The following TBX1 variants were observed in gnomAD, a reference collection of about 807,000 sequenced individuals.
TBX1 encodes T-box transcription factor 1, also known as T-box transcription factor TBX1.
A neutral mutation model predicts 40.8 loss-of-function variants in TBX1; 16 were observed. That is an observed-to-expected ratio of 0.39 (90% CI 0.27 to 0.60). The LOEUF is 0.60. Ranked by LOEUF, TBX1 falls within the 20% of genes least tolerant of loss-of-function variation. The pLI, the probability that TBX1 is intolerant of heterozygous loss-of-function variation, is 0.51. For synonymous variants in TBX1, 403 were observed against 336.8 expected (o/e 1.20, Z -2.15); for missense variants, 755 against 728.5 (o/e 1.04, Z -0.42).
At chr22:19,780,775 T>TG (rs201648727), downstream of TBX1, among the ~76,000 whole-genome samples, 506 of 122,030 alleles carry the variant, frequency 4.1e-3, 12 homozygotes, top group African/African-American at 0.016. Flanking sequence ...ACTTGTTTTC[T>TG]GTTTTTTTTT....
downstream of TBX1, chr22:19,783,148 A>G: frequency 1.4e-6 from 1 of 710,180 alleles, no homozygotes. Flanking sequence ...CGTGGAGTAG[A>G]CAAACTGCTC....
At position 19,761,226 on chromosome 22, in the gene TBX1, T is replaced by C; in HGVS notation, c.383T>C (p.Leu128Pro). Reference sequence around the variant, plus strand: ...AGCGTGCAGCTAGAGATGAAGGCGCTGTGGGACGAGTTCAACCAGCTGGGC... The same window carrying C: ...AGCGTGCAGCTAGAGATGAAGGCGCCGTGGGACGAGTTCAACCAGCTGGGC... The part of the protein sequence containing the change: ...GVSVQLEMKA[L>P]WDEFNQLGTE... Residue 128 changes from leucine to proline, a missense_variant, in exon 1 of 7, where the codon CTG becomes CCG. Leu to Pro is a moderately conservative substitution (Grantham distance 98, BLOSUM62 -3). Coordinates refer to ENST00000649276, the MANE Select transcript of TBX1 (RefSeq NM_001379200.1). The C allele has an allele frequency of 6.4e-7, 1 of 1,571,884 alleles. No homozygotes were observed. The highest frequency in any genetic ancestry group is 8.6e-7 in the Non-Finnish European group (1 of 1,157,852).
chr22:19,765,248 G>A, intron 4 of TBX1, 135 bp downstream of exon 4: 2 of 1,365,728 alleles, frequency 1.5e-6, no homozygotes, highest in Admixed American at 3.6e-5. Flanking sequence ...AACCCAACTG[G>A]AGCCCCACTC....
At position 19,763,307 on chromosome 22, in the gene TBX1, C is replaced by T. The variant is rs763136442; in HGVS notation, c.504C>T (p.Leu168=). Residue 168 remains leucine (L), a synonymous_variant, in exon 2 of 7, where the codon CTC becomes CTT. Transcript: ENST00000649276. ...ATCCCATGGCCGACTATATGCTGCT[C>T]ATGGACTTCGTGCCGGTGGACGATA... ...GMDPMADYML[L]MDFVPVDDKR... 6.2e-7 allele frequency: 1 copy of T among 1,614,218 alleles called. No homozygotes were observed. Among genetic ancestry groups the T allele is most frequent in the South Asian group, 1.1e-5 (1 of 91,090 alleles).
intron 1 of TBX1, 81 bp from the exon 2 acceptor site, chr22:19,763,160 C>T (rs1936721787): frequency 1.7e-6 from 2 of 1,145,624 alleles, no homozygotes; most frequent in Admixed American, 3.5e-5. Flanking sequence ...AGGGGCCGAG[C>T]AGAGGGGCCG....
At chr22:19,760,554 C>T (rs1249230197), upstream of TBX1, among the ~76,000 whole-genome samples, 2 of 139,394 alleles carry the variant, frequency 1.4e-5, no homozygotes, top group Admixed American at 7.0e-5. Flanking sequence ...GTGAGCCGGT[C>T]CGGGCGGTCG....
At chr22:19,758,008 C>T (rs1936525304), upstream of TBX1, among the ~76,000 whole-genome samples, 1 of 152,182 alleles carries the variant, frequency 6.6e-6, no homozygotes, top group Admixed American at 6.5e-5. Flanking sequence ...ACATCCCAGA[C>T]AGGCAGCACT....
chr22:19,763,408 G>A, intron 2 of TBX1, 66 bp downstream of exon 2: 2 of 1,479,128 alleles, frequency 1.4e-6, no homozygotes, highest in Non-Finnish European at 9.4e-7. Context: ...GTCTCCGCCT[G>A]GTGACCCAAC....
At chr22:19,773,582 G>T (rs1445296169) in intron 8 of TBX1, among the ~76,000 whole-genome samples, 1 of 152,176 alleles carries the variant, frequency 6.6e-6, no homozygotes. Flanking sequence ...CTTCAGGAGA[G>T]CCCATGCCCA....
chr22:19,769,087 A>T (rs577414117), downstream of TBX1, among the ~76,000 whole-genome samples: 9 of 150,474 alleles, frequency 6.0e-5, no homozygotes, highest in East Asian at 1.8e-3. Flanking sequence ...TCAGCCTCAG[A>T]GTAGCTGGGA....
chr22:19,761,752 C>T (rs1284676815), intron 1 of TBX1, among the ~76,000 whole-genome samples: 1 of 152,262 alleles, frequency 6.6e-6, no homozygotes, highest in Non-Finnish European at 1.5e-5. Flanking sequence ...GGCAGCCGGG[C>T]AACTCTCTGG....
chr22:19,757,393 G>A (rs919433206), upstream of TBX1, among the ~76,000 whole-genome samples: 3 of 152,132 alleles, frequency 2.0e-5, no homozygotes, highest in Non-Finnish European at 2.9e-5. Flanking sequence ...ATCCTTGAGC[G>A]GCTGACCCAG....
chr22:19,778,878 CA>C (rs1208527476), intron 8 of TBX1, among the ~76,000 whole-genome samples: 1 of 152,098 alleles, frequency 6.6e-6, no homozygotes, highest in East Asian at 1.9e-4. Flanking sequence ...GAGATTGCAC[CA>C]CTGCACTCCA....
Position 19,765,026 on chromosome 22 carries a change from T to C in TBX1, c.780T>C (p.Asp260=), listed in dbSNP as rs1936784892. The C allele has an allele frequency of 1.2e-6, 2 of 1,614,020 alleles. No homozygotes were observed. Among genetic ancestry groups the C allele is most frequent in the Middle Eastern group, 1.6e-4 (1 of 6,084 alleles). The change falls in exon 4 of 7, where the codon GAT becomes GAC. Residue 260 remains aspartate, a synonymous_variant. Coordinates refer to ENST00000649276, the MANE Select transcript of TBX1 (RefSeq NM_001379200.1). The part of the protein sequence containing the change: ...FHVVYVDPRK[D]SEKYAEENFK... ...TGGTCTATGTGGACCCACGCAAAGATAGCGAGAAATATGCCGAGGAGAACT... is the reference window on the plus strand; with the variant it reads ...TGGTCTATGTGGACCCACGCAAAGACAGCGAGAAATATGCCGAGGAGAACT...
chr22:19,764,681 T>C (rs1360887638), intron 3 of TBX1, among the ~76,000 whole-genome samples: 1 of 152,216 alleles, frequency 6.6e-6, no homozygotes, highest in Non-Finnish European at 1.5e-5. Flanking sequence ...GAAAGAGGCT[T>C]TATGGAGTCC....
chr22:19,780,956 G>A (rs1601310327), downstream of TBX1, among the ~76,000 whole-genome samples: 1 of 151,926 alleles, frequency 6.6e-6, no homozygotes, highest in African/African-American at 2.4e-5. Context: ...CTAATTTTTT[G>A]TAGTTTTAGT....
chr22:19,768,136 G>GA (rs1157156612), downstream of TBX1, among the ~76,000 whole-genome samples: 12 of 152,202 alleles, frequency 7.9e-5, no homozygotes, highest in Non-Finnish European at 1.6e-4. Context: ...CAAGGCTGCT[G>GA]ACTTGGACAC....
downstream of TBX1, chr22:19,782,800 C>G (rs534300088): frequency 1.3e-6 from 2 of 1,593,302 alleles, no homozygotes; most frequent in East Asian, 4.5e-5. Flanking sequence ...TGTGTTCACT[C>G]TTTCTTGCTA....
chr22:19,760,212 GT>G (rs71761160), upstream of TBX1, among the ~76,000 whole-genome samples: 34,602 of 125,778 alleles, frequency 0.28, 4,514 homozygotes, highest in East Asian at 0.6. Context: ...AAAGACTTTA[GT>G]TTTTTTTTTT....
Sources: allele counts gnomAD v4.1 joint callset (sites outside exome capture counted in the v4.1 genomes callset), GRCh38; gene constraint gnomAD v4.1.1; transcripts MANE v1.5; gene names NCBI Gene and HGNC (gene_info 2026-07-23, HGNC 2026-07-21).